Variants in CSMD1 observed in about 807,000 individuals in gnomAD.
CSMD1 encodes the protein CUB and sushi domain-containing protein 1.
A neutral mutation model predicts 417.5 loss-of-function variants in CSMD1; 213 were observed. That is an observed-to-expected ratio of 0.51 (90% CI 0.46 to 0.57). CSMD1 has a LOEUF of 0.57. Among genes scored for constraint, CSMD1 ranks in the 20% least tolerant of loss-of-function variants. CSMD1 has a pLI of 0.00. For missense variants in CSMD1, 6,923 were observed against 4,529.7 expected (o/e 1.53, Z -15.17); for synonymous variants, 2,862 against 1,736.8 (o/e 1.65, Z -16.11).
At chr8:3,442,968 T>G (rs909827068) in intron 12 of CSMD1, among the ~76,000 whole-genome samples, 1 of 152,234 alleles carries the variant, frequency 6.6e-6, no homozygotes, top group African/African-American at 2.4e-5. Context: ...ATGGTTTTAT[T>G]AATTTAAATC....
intron 3 of CSMD1, among the ~76,000 whole-genome samples, chr8:4,362,347 C>G (rs960706062): frequency 6.6e-6 from 1 of 152,146 alleles, no homozygotes; most frequent in Non-Finnish European, 1.5e-5. Context: ...ACCCCAAGCT[C>G]ATCTGTCTGC....
At chr8:4,030,024 G>T (rs143026863) in intron 4 of CSMD1, among the ~76,000 whole-genome samples, 2 of 152,174 alleles carry the variant, frequency 1.3e-5, no homozygotes, top group African/African-American at 4.8e-5. Context: ...CAAGAGGTGA[G>T]CTCCAACAGT....
At chr8:3,879,584 T>A (rs572895950) in intron 5 of CSMD1, among the ~76,000 whole-genome samples, 4 of 152,188 alleles carry the variant, frequency 2.6e-5, no homozygotes, top group Non-Finnish European at 4.4e-5. Flanking sequence ...AACAATCACA[T>A]AGCTATCAGA....
Position 3,464,885 on chromosome 8 carries a change from T to G in CSMD1, c.1561+3827A>C, listed in dbSNP as rs1034922337. 4.6e-5 allele frequency among the ~76,000 whole-genome samples: 7 copies of G among 152,226 alleles called. No homozygotes were observed. The East Asian group carries it at 1.4e-3, about 29-fold the overall frequency. ...CATTACTTTCTGACACTTAACATGA[T>G]CTCCCTCAAGAGCTCTCTTTGTTTT... On this transcript the variant is annotated intron_variant, in intron 12 of 69. Coordinates refer to ENST00000635120, the MANE Select transcript of CSMD1 (RefSeq NM_033225.6).
chr8:4,032,350 C>T (rs532753290), intron 3 of CSMD1, among the ~76,000 whole-genome samples: 1 of 152,010 alleles, frequency 6.6e-6, no homozygotes, highest in Non-Finnish European at 1.5e-5. Context: ...AAATATAGTC[C>T]TGCTTTTATT....
intron 3 of CSMD1, among the ~76,000 whole-genome samples, chr8:4,220,607 A>G (rs1258662753): frequency 6.6e-6 from 1 of 152,232 alleles, no homozygotes; most frequent in African/African-American, 2.4e-5. Flanking sequence ...GGTCCATGTG[A>G]GAGGAAGGAC....
chr8:3,500,123 G>A (rs903407765), intron 10 of CSMD1, among the ~76,000 whole-genome samples: 1 of 152,084 alleles, frequency 6.6e-6, no homozygotes, highest in South Asian at 2.1e-4. Context: ...GATCCTACCT[G>A]CGCACTTCAC....
chr8:3,244,322 G>T (rs73185541), intron 26 of CSMD1, among the ~76,000 whole-genome samples: 2 of 152,084 alleles, frequency 1.3e-5, no homozygotes, highest in Non-Finnish European at 1.5e-5. Context: ...CGGCAATTTA[G>T]GAATCAGGCA....
chr8:3,039,781 G>C (rs889861329), intron 50 of CSMD1, among the ~76,000 whole-genome samples: 1 of 152,130 alleles, frequency 6.6e-6, no homozygotes, highest in Non-Finnish European at 1.5e-5. Context: ...AAAACCCAGA[G>C]ATTAGACTTA....
intron 25 of CSMD1, among the ~76,000 whole-genome samples, chr8:3,299,774 AAC>A (rs1214010438): frequency 5.9e-5 from 9 of 152,202 alleles, no homozygotes; most frequent in African/African-American, 2.2e-4. Context: ...GAAAGGTATA[AAC>A]AGATATAACC....
intron 10 of CSMD1, among the ~76,000 whole-genome samples, chr8:3,505,887 A>G (rs948041655): frequency 6.6e-6 from 1 of 152,220 alleles, no homozygotes; most frequent in African/African-American, 2.4e-5. Flanking sequence ...AGATTAATTT[A>G]AAAAACAGTT....
At chr8:4,475,766 C>T (rs1800769262) in intron 2 of CSMD1, among the ~76,000 whole-genome samples, 1 of 152,060 alleles carries the variant, frequency 6.6e-6, no homozygotes, top group Non-Finnish European at 1.5e-5. Flanking sequence ...GCGTGCACCA[C>T]CACACACAGC....
intron 2 of CSMD1, among the ~76,000 whole-genome samples, chr8:4,498,944 G>A (rs888148354): frequency 1.3e-5 from 2 of 151,904 alleles, no homozygotes; most frequent in South Asian, 2.1e-4. Flanking sequence ...CATGGCCAGT[G>A]GTTCTATACA....
At chr8:4,724,141 C>T (rs1001188949) in intron 1 of CSMD1, among the ~76,000 whole-genome samples, 2 of 152,068 alleles carry the variant, frequency 1.3e-5, no homozygotes, top group Non-Finnish European at 2.9e-5. Context: ...CCTCCTCTTG[C>T]AAACAAAATA....
intron 21 of CSMD1, among the ~76,000 whole-genome samples, chr8:3,356,434 T>G (rs972834186): frequency 1.3e-5 from 2 of 152,140 alleles, no homozygotes; most frequent in Non-Finnish European, 2.9e-5. Context: ...CCCAGCACTT[T>G]GGGAGGCCAA....
At chr8:3,084,381 G>A (rs1020095496) in intron 49 of CSMD1, among the ~76,000 whole-genome samples, 1 of 151,908 alleles carries the variant, frequency 6.6e-6, no homozygotes, top group Non-Finnish European at 1.5e-5. Flanking sequence ...AAATTAGCCG[G>A]CTATGGTGGT....
intron 2 of CSMD1, among the ~76,000 whole-genome samples, chr8:4,430,240 G>A (rs975869991): frequency 2.6e-5 from 4 of 152,070 alleles, no homozygotes; most frequent in African/African-American, 9.7e-5. Context: ...CATGAATACT[G>A]GGTCGGAGAA....
chr8:3,000,479 G>A (rs2128955594), intron 52 of CSMD1, among the ~76,000 whole-genome samples: 1 of 152,144 alleles, frequency 6.6e-6, no homozygotes, highest in Admixed American at 6.5e-5. Context: ...GGAATTCTTG[G>A]AATTAACATG....
intron 5 of CSMD1, among the ~76,000 whole-genome samples, chr8:3,843,832 T>C (rs926634330): frequency 1.3e-5 from 2 of 152,176 alleles, no homozygotes; most frequent in Non-Finnish European, 2.9e-5. Flanking sequence ...AGGAATCAAA[T>C]GGATATAATG....
Sources: allele counts gnomAD v4.1 joint callset (sites outside exome capture counted in the v4.1 genomes callset), GRCh38; gene constraint gnomAD v4.1.1; transcripts MANE v1.5; gene names NCBI Gene and HGNC (gene_info 2026-07-23, HGNC 2026-07-21).